ERBB4: variants seen among roughly 807,000 people sequenced by gnomAD.
The protein encoded by ERBB4 is erb-b2 receptor tyrosine kinase 4.
A neutral mutation model predicts 158.0 loss-of-function variants in ERBB4; 42 were observed. That is an observed-to-expected ratio of 0.27 (90% CI 0.21 to 0.34). The LOEUF is 0.34. Among genes scored for constraint, ERBB4 ranks in the 10% least tolerant of loss-of-function variants. ERBB4 has a pLI of 1.00. For missense variants in ERBB4, 1,333 were observed against 1,624.1 expected (o/e 0.82, Z 3.08); for synonymous variants, 583 against 558.7 (o/e 1.04, Z -0.61).
intron 1 of ERBB4, among the ~76,000 whole-genome samples, chr2:212,272,419 T>C (rs769907983): frequency 3.3e-5 from 5 of 151,724 alleles, no homozygotes; most frequent in Non-Finnish European, 7.4e-5. Context: ...GCAATATGAG[T>C]AGGTCATGGC....
At chr2:211,895,506 A>C (rs917921434) in intron 3 of ERBB4, among the ~76,000 whole-genome samples, 1 of 151,752 alleles carries the variant, frequency 6.6e-6, no homozygotes, top group African/African-American at 2.4e-5. Flanking sequence ...CCATCGTCCC[A>C]CCTCAGCCTC....
intron 3 of ERBB4, among the ~76,000 whole-genome samples, chr2:211,830,695 A>C (rs919253248): frequency 6.6e-6 from 1 of 152,124 alleles, no homozygotes; most frequent in Non-Finnish European, 1.5e-5. Flanking sequence ...CAATGCAATA[A>C]AAATATAAAA....
chr2:212,462,038 G>A (rs1462036321), intron 1 of ERBB4, among the ~76,000 whole-genome samples: 2 of 152,084 alleles, frequency 1.3e-5, no homozygotes, highest in African/African-American at 4.8e-5. Flanking sequence ...CCAGTGTCAG[G>A]TATGTCTTTA....
At chr2:211,999,458 T>C (rs2076054657) in intron 2 of ERBB4, among the ~76,000 whole-genome samples, 1 of 151,852 alleles carries the variant, frequency 6.6e-6, no homozygotes. Flanking sequence ...CCTGAATAAA[T>C]CTTAAAACAT....
intron 20 of ERBB4, among the ~76,000 whole-genome samples, chr2:211,561,381 C>CTTA (rs781677083): frequency 3.2e-4 from 48 of 152,158 alleles, no homozygotes; most frequent in Non-Finnish European, 6.5e-4. Context: ...GAACACTGCC[C>CTTA]TTATATATGT....
At position 211,399,184 on chromosome 2, in the gene ERBB4, T is replaced by C. The variant is rs547129165; in HGVS notation, c.3136-11192A>G. 6.6e-5 allele frequency among the ~76,000 whole-genome samples: 10 copies of C among 152,356 alleles called. No homozygotes were observed. In the South Asian group the frequency reaches 2.1e-3, roughly 32 times the overall value. On this transcript the variant is annotated intron_variant, in intron 25 of 27. Transcript: ENST00000342788. The stretch of plus-strand genomic sequence containing the variant: ...ATGAAAGAACCCATTATATGCCCCA[T>C]GTGAATAATTTAACAACTGTATTCT...
Position 211,562,032 on chromosome 2 carries a change from C to T in ERBB4, c.2358G>A (p.Val786=), listed in dbSNP as rs1464695751. ...DHPHLVRLLG[V]CLSPTIQLVT... The stretch of plus-strand genomic sequence containing the variant: ...CCAGCTGGATGGTTGGGCTCAGACA[C>T]ACACCCAGCAACCGGACTAGGTGTG... The change falls in exon 20 of 28, where the codon GTG becomes GTA. Residue 786 remains valine (V), a synonymous_variant. Transcript: ENST00000342788. The T allele has an allele frequency of 6.2e-7, 1 of 1,614,006 alleles. No individual in the cohort carries two copies. The highest frequency in any genetic ancestry group is 1.3e-5 in the African/African-American group (1 of 74,934).
intron 1 of ERBB4, among the ~76,000 whole-genome samples, chr2:212,454,031 C>G (rs1688146738): frequency 6.6e-6 from 1 of 152,074 alleles, no homozygotes. Flanking sequence ...ACCTTCACCT[C>G]CCAGGTTCAA....
intron 2 of ERBB4, among the ~76,000 whole-genome samples, chr2:212,009,328 T>C (rs1428064994): frequency 6.6e-6 from 1 of 151,598 alleles, no homozygotes; most frequent in African/African-American, 2.4e-5. Flanking sequence ...CAGAGGAGAT[T>C]TGAAATACTC....
At chr2:212,116,054 T>A (rs1288362859) in intron 2 of ERBB4, among the ~76,000 whole-genome samples, 1 of 152,076 alleles carries the variant, frequency 6.6e-6, no homozygotes, top group Non-Finnish European at 1.5e-5. Context: ...ATTATTGAAA[T>A]AATAGATTGT....
intron 20 of ERBB4, among the ~76,000 whole-genome samples, chr2:211,538,894 A>G (rs182827638): frequency 1.3e-5 from 2 of 152,024 alleles, no homozygotes; most frequent in Non-Finnish European, 2.9e-5. Flanking sequence ...ATTCCACTAT[A>G]GTTCAGAACC....
At chr2:212,313,803 G>A (rs1315234229) in intron 1 of ERBB4, among the ~76,000 whole-genome samples, 1 of 150,704 alleles carries the variant, frequency 6.6e-6, no homozygotes, top group Non-Finnish European at 1.5e-5. Flanking sequence ...ATATCCTTGG[G>A]TAACATCTAT....
intron 3 of ERBB4, among the ~76,000 whole-genome samples, chr2:211,945,787 T>G (rs2080671624): frequency 6.6e-6 from 1 of 152,044 alleles, no homozygotes; most frequent in South Asian, 2.1e-4. Context: ...AGGGAACTAT[T>G]TAAAGACTAA....
intron 3 of ERBB4, among the ~76,000 whole-genome samples, chr2:211,844,849 A>G (rs970903802): frequency 6.6e-6 from 1 of 152,172 alleles, no homozygotes; most frequent in African/African-American, 2.4e-5. Flanking sequence ...TCAATGCCTG[A>G]GATTACTCAG....
intron 5 of ERBB4, among the ~76,000 whole-genome samples, chr2:211,731,319 G>T (rs1342058188): frequency 6.6e-6 from 1 of 151,706 alleles, no homozygotes; most frequent in Non-Finnish European, 1.5e-5. Flanking sequence ...TTCTATTTTT[G>T]TGTCAAAATT....
chr2:212,401,236 C>T (rs540021343), intron 1 of ERBB4, among the ~76,000 whole-genome samples: 14 of 152,216 alleles, frequency 9.2e-5, no homozygotes, highest in East Asian at 5.8e-4. Context: ...CAGTCTTGAA[C>T]GAGACTTAAC....
chr2:212,513,998 A>T (rs539853164), intron 1 of ERBB4, among the ~76,000 whole-genome samples: 7 of 152,302 alleles, frequency 4.6e-5, no homozygotes, highest in African/African-American at 1.7e-4. Context: ...TCCTAATAAG[A>T]AGTGGTCTTA....
At chr2:211,869,433 C>A (rs1304099381) in intron 3 of ERBB4, among the ~76,000 whole-genome samples, 9 of 152,136 alleles carry the variant, frequency 5.9e-5, no homozygotes, top group Non-Finnish European at 2.9e-5. Context: ...CCAACCTTCC[C>A]AGTTGCTATC....
At chr2:211,497,617 C>T (rs925660122) in intron 20 of ERBB4, among the ~76,000 whole-genome samples, 17 of 152,164 alleles carry the variant, frequency 1.1e-4, no homozygotes, top group African/African-American at 3.4e-4. Context: ...ACAAAGGAAA[C>T]AGGCACATAC....
Sources: gnomAD v4.1 joint callset for allele counts (sites outside exome capture counted in the v4.1 genomes callset) on GRCh38, gnomAD v4.1.1 for gene constraint, MANE v1.5 for transcripts, NCBI Gene and HGNC (gene_info 2026-07-23, HGNC 2026-07-21) for gene names.